The following DLG2 variants were observed in gnomAD, a reference collection of about 807,000 sequenced individuals.
DLG2 encodes discs large MAGUK scaffold protein 2.
A neutral mutation model predicts 132.5 loss-of-function variants in DLG2; 45 were observed. The ratio of observed to expected loss-of-function variants is 0.34; its 90% CI spans 0.27 to 0.44. The LOEUF (loss-of-function observed/expected upper bound fraction) is 0.44. Ranked by LOEUF, DLG2 falls within the 20% of genes least tolerant of loss-of-function variation. DLG2 has a pLI of 1.00. For synonymous variants in DLG2, 424 were observed against 419.6 expected (o/e 1.01, Z -0.13); for missense variants, 1,045 against 1,196.9 (o/e 0.87, Z 1.87).
At chr11:84,481,408 A>C (rs1170135396) in intron 7 of DLG2, among the ~76,000 whole-genome samples, 1 of 152,168 alleles carries the variant, frequency 6.6e-6, no homozygotes, top group African/African-American at 2.4e-5. Flanking sequence ...CATCTGAGGT[A>C]AATGTTGCTA....
chr11:84,595,756 A>G (rs996385383), intron 6 of DLG2, among the ~76,000 whole-genome samples: 3 of 152,254 alleles, frequency 2.0e-5, no homozygotes, highest in Admixed American at 2.0e-4. Flanking sequence ...ATAAAGCATA[A>G]AAGAAGAAAT....
At chr11:84,460,303 T>C (rs56316934) in intron 7 of DLG2, among the ~76,000 whole-genome samples, 4,593 of 150,668 alleles carry the variant, frequency 0.03, 181 homozygotes, top group African/African-American at 0.095. Flanking sequence ...GGGTAGGCCA[T>C]AGAATTATTT....
At chr11:83,587,784 G>T (rs1002934210) in intron 19 of DLG2, among the ~76,000 whole-genome samples, 1 of 152,100 alleles carries the variant, frequency 6.6e-6, no homozygotes, top group Non-Finnish European at 1.5e-5. Context: ...GTGGGTGCGC[G>T]CACCGTGCGC....
chr11:84,507,924 G>A (rs1263142786), intron 7 of DLG2, among the ~76,000 whole-genome samples: 1 of 152,184 alleles, frequency 6.6e-6, no homozygotes, highest in Non-Finnish European at 1.5e-5. Context: ...ATCTAAAAAT[G>A]TGAAACTTTA....
chr11:84,458,371 A>G (rs941809265), intron 7 of DLG2, among the ~76,000 whole-genome samples: 3 of 150,878 alleles, frequency 2.0e-5, no homozygotes, highest in African/African-American at 7.3e-5. Flanking sequence ...AAATGAAGTA[A>G]ATCCTGTTCA....
intron 8 of DLG2, among the ~76,000 whole-genome samples, chr11:84,239,172 T>A (rs2097195795): frequency 6.6e-6 from 1 of 152,174 alleles, no homozygotes; most frequent in African/African-American, 2.4e-5. Flanking sequence ...GGAATTTATT[T>A]ATTTTATCAT....
chr11:83,768,345 G>T (rs1442905038), intron 18 of DLG2, among the ~76,000 whole-genome samples: 1 of 152,048 alleles, frequency 6.6e-6, no homozygotes, highest in Admixed American at 6.6e-5. Context: ...TTTAGAGTAG[G>T]GTGCTTTAGA....
At chr11:83,621,027 G>C (rs2061559393) in intron 19 of DLG2, among the ~76,000 whole-genome samples, 1 of 151,900 alleles carries the variant, frequency 6.6e-6, no homozygotes, top group Admixed American at 6.6e-5. Context: ...AAAAAATATG[G>C]AGATCTATCT....
chr11:84,195,192 T>C (rs530561117), intron 8 of DLG2, among the ~76,000 whole-genome samples: 44 of 152,234 alleles, frequency 2.9e-4, no homozygotes, highest in Non-Finnish European at 8.8e-5. Flanking sequence ...TGAGATGGAG[T>C]CCCACTCTGT....
intron 4 of DLG2, among the ~76,000 whole-genome samples, chr11:85,182,022 A>C (rs976204025): frequency 2.0e-5 from 3 of 151,954 alleles, no homozygotes; most frequent in Non-Finnish European, 4.4e-5. Context: ...GAAAGTACAC[A>C]TTCATCTAAT....
chr11:83,587,078 T>G (rs2153274822), intron 19 of DLG2, among the ~76,000 whole-genome samples: 1 of 152,336 alleles, frequency 6.6e-6, no homozygotes, highest in Middle Eastern at 3.4e-3. Flanking sequence ...GATGATTACA[T>G]GAAATGATCT....
chr11:85,055,032 A>G (rs1441360926), intron 6 of DLG2, among the ~76,000 whole-genome samples: 2 of 152,170 alleles, frequency 1.3e-5, no homozygotes, highest in African/African-American at 4.8e-5. Context: ...AAAAATAAAA[A>G]CAATCTAAAT....
intron 21 of DLG2, among the ~76,000 whole-genome samples, chr11:83,512,228 C>G (rs1389368568): frequency 6.6e-6 from 1 of 152,146 alleles, no homozygotes; most frequent in Admixed American, 6.5e-5. Context: ...CTTCTCTCCC[C>G]CAATCCTGTG....
At chr11:85,122,407 C>T (rs2074428164) in intron 5 of DLG2, among the ~76,000 whole-genome samples, 1 of 151,928 alleles carries the variant, frequency 6.6e-6, no homozygotes, top group South Asian at 2.1e-4. Flanking sequence ...ACAGGCACAA[C>T]GAAGAAACAA....
chr11:83,561,125 G>T (rs898131267), intron 19 of DLG2, among the ~76,000 whole-genome samples: 14 of 152,114 alleles, frequency 9.2e-5, no homozygotes, highest in African/African-American at 3.4e-4. Context: ...AACTCTATGA[G>T]AACAGCACCA....
intron 3 of DLG2, among the ~76,000 whole-genome samples, chr11:85,496,395 C>T (rs1232768794): frequency 2.6e-5 from 4 of 152,164 alleles, no homozygotes; most frequent in Non-Finnish European, 4.4e-5. Context: ...TTTATGCTCA[C>T]AATGTAACAA....
chr11:83,718,208 G>C (rs888973030), intron 18 of DLG2, among the ~76,000 whole-genome samples: 2 of 152,190 alleles, frequency 1.3e-5, no homozygotes, highest in African/African-American at 4.8e-5. Flanking sequence ...CGGCTTCTCA[G>C]AGCAGGACTT....
chr11:85,168,491 G>A (rs1360022466), intron 4 of DLG2, among the ~76,000 whole-genome samples: 1 of 152,050 alleles, frequency 6.6e-6, no homozygotes, highest in African/African-American at 2.4e-5. Context: ...AATAGAAAAG[G>A]TAAGCAGAAG....
At chr11:85,492,605 A>G (rs1284464024) in intron 3 of DLG2, among the ~76,000 whole-genome samples, 1 of 152,150 alleles carries the variant, frequency 6.6e-6, no homozygotes, top group Non-Finnish European at 1.5e-5. Context: ...AGTACAGAAA[A>G]TAGATTTATA....
Sources: allele counts gnomAD v4.1 joint callset (sites outside exome capture counted in the v4.1 genomes callset), GRCh38; gene constraint gnomAD v4.1.1; transcripts MANE v1.5; gene names NCBI Gene and HGNC (gene_info 2026-07-23, HGNC 2026-07-21).